Variants in FASN observed in about 807,000 individuals in gnomAD.
FASN encodes the protein 3-hydroxyacyl-[acyl-carrier-protein] dehydratase.
FASN carries 50 observed loss-of-function variants against 250.0 expected under a neutral mutation model. That is an observed-to-expected ratio of 0.20 (90% CI 0.16 to 0.25). The LOEUF (loss-of-function observed/expected upper bound fraction) is 0.25. Ranked by LOEUF, FASN falls within the 10% of genes least tolerant of loss-of-function variation. The probability of loss-of-function intolerance (pLI) is 1.00; values close to 1 mark genes in which losing one functional copy is unlikely to be tolerated. For missense variants in FASN, 3,031 were observed against 3,498.5 expected (o/e 0.87, Z 3.37); for synonymous variants, 1,909 against 1,584.0 (o/e 1.21, Z -4.87).
Position 82,096,461 on chromosome 17 carries a change from C to T in FASN, c.-7-9G>A, listed in dbSNP as rs746221080. ...CCTCCTCCATGGCTGCTCTGCAGGG[C>T]GGGCGGTGTGAGTGCCCCACACATC... On this transcript the variant is annotated splice_polypyrimidine_tract_variant and intron_variant, in intron 1 of 42. Coordinates refer to ENST00000306749, the MANE Select transcript of FASN (RefSeq NM_004104.5). The T allele has an allele frequency of 3.0e-5, 48 of 1,610,020 alleles. No homozygotes were observed. The highest frequency in any genetic ancestry group is 5.3e-5 in the African/African-American group (4 of 74,942).
At chr17:82,095,861 C>T (rs544781914) in intron 2 of FASN, among the ~76,000 whole-genome samples, 3 of 152,348 alleles carry the variant, frequency 2.0e-5, no homozygotes, top group African/African-American at 7.2e-5. Flanking sequence ...GCTCCAGCCT[C>T]CCGGAGCACA....
rs758791291 is a variant in FASN at position 82,087,082 on chromosome 17, G to A, written c.3395C>T (p.Ala1132Val). 8.7e-6 allele frequency: 14 copies of A among 1,611,478 alleles called. No individual in the cohort carries two copies. The highest frequency in any genetic ancestry group is 2.5e-6 in the Non-Finnish European group (3 of 1,179,930). Residue 1132 changes from alanine to valine, a missense_variant, in exon 21 of 43, where the codon GCT becomes GTT. Ala to Val is a moderately conservative substitution (Grantham distance 64). Transcript: ENST00000306749. ...HTEEGCLSER[A>V]ALQEELQLCK... Reference sequence around the variant, plus strand: ...CAGTTGCAGCTCCTCCTGCAGGGCAGCGCGCTCAGACAGGCACCCCTCCTC... The same window carrying A: ...CAGTTGCAGCTCCTCCTGCAGGGCAACGCGCTCAGACAGGCACCCCTCCTC...
At position 82,088,780 on chromosome 17, in the gene FASN, C is replaced by T. The variant is rs1327422020; in HGVS notation, c.2401G>A (p.Gly801Ser). The part of the protein sequence containing the change: ...DNLEFFLAGI[G>S]RLHLSGIDAN... Reference sequence around the variant, plus strand: ...ACCCACCCTGAGAGGTGCAGCCTGCCGATGCCGGCCAGGAAGAACTCCAGG... The same window carrying T: ...ACCCACCCTGAGAGGTGCAGCCTGCTGATGCCGGCCAGGAAGAACTCCAGG... Residue 801 changes from glycine (G) to serine (S), a missense_variant, in exon 15 of 43, where the codon GGC (glycine) becomes AGC (serine). Coordinates refer to ENST00000306749, the MANE Select transcript of FASN (RefSeq NM_004104.5). The T allele has an allele frequency of 7.4e-6, 12 of 1,612,250 alleles. No homozygotes were observed. In the South Asian group the frequency reaches 9.9e-5, roughly 13 times the overall value.
At chr17:82,093,890 G>A (rs916913585) in intron 3 of FASN, 119 bp from the exon 4 acceptor site, 4 of 1,108,210 alleles carry the variant, frequency 3.6e-6, no homozygotes, top group African/African-American at 3.1e-5. Context: ...GGTGAGGGGG[G>A]GTCCATCCCA....
chr17:82,081,336 A>G lies in FASN; in HGVS notation c.6423T>C (p.Ala2141=). The G allele has an allele frequency of 6.4e-7, 1 of 1,558,880 alleles. No individual in the cohort carries two copies. Among genetic ancestry groups the G allele is most frequent in the Non-Finnish European group, 8.7e-7 (1 of 1,152,014 alleles). ...CCAGTGAGCTGTCCAGGTTGACAGC[A>G]GCCAAGTCGCGGATGCCTGGAAGGG... ...VAHILGIRDL[A]AVNLDSSLAD... The change falls in exon 38 of 43, where the codon GCT becomes GCC. Residue 2141 remains alanine, a synonymous_variant. Transcript: ENST00000306749.
chr17:82,079,581 C>T lies in FASN; in HGVS notation c.7174G>A (p.Gly2392Ser). The stretch of plus-strand genomic sequence containing the variant: ...GCGGCTGCCACACGCTCCTCTAGGC[C>T]CTTCAGCGGCAGCAGCGCCTCCAGC... Reference protein sequence around the residue: ...RVLEALLPLKGLEERVAAAVD... With the variant: ...RVLEALLPLKSLEERVAAAVD... Residue 2392 changes from glycine (G) to serine (S), a missense_variant, in exon 42 of 43, where the codon GGC becomes AGC. Gly to Ser is a moderately conservative substitution (Grantham distance 56). Transcript: ENST00000306749. 3 of 1,602,984 alleles carry T rather than the reference C, an allele frequency of 1.9e-6. No individual in the cohort carries two copies. Among genetic ancestry groups the T allele is most frequent in the Non-Finnish European group, 2.5e-6 (3 of 1,179,846 alleles).
At position 82,092,974 on chromosome 17, in the gene FASN, G is replaced by A. The variant is rs780702523; in HGVS notation, c.701C>T (p.Thr234Ile). The change falls in exon 6 of 43, where the codon ACC becomes ATC. Residue 234 changes from threonine to isoleucine, a missense_variant. By Grantham distance (89) the Thr-to-Ile change is moderately conservative. Transcript: ENST00000306749. The stretch of plus-strand genomic sequence containing the variant: ...CACCCGCCGGGCCAGGGACTTCTTG[G>A]TCAGCAGGACGGCCACCACACCCTC... ...RSEGVVAVLL[T>I]KKSLARRVYA... The A allele has an allele frequency of 3.7e-6, 6 of 1,612,048 alleles. No homozygotes were observed. In the East Asian group the frequency reaches 6.7e-5, roughly 18 times the overall value.
Position 82,085,891 on chromosome 17 carries a change from G to A in FASN, c.3733-20C>T, listed in dbSNP as rs763158509. 9.2e-6 allele frequency: 14 copies of A among 1,519,138 alleles called. No homozygotes were observed. Among genetic ancestry groups the A allele is most frequent in the Non-Finnish European group, 1.1e-5 (12 of 1,136,558 alleles). 94.1% of individuals were successfully genotyped at this position (1,519,138 alleles called of 1,614,324 possible). A position where few individuals can be genotyped will look rare whatever the true frequency, so the allele number is the denominator to read the frequency against. ...CAGCACCTGTAGGGGGTGAATTCTGGAATCAGCCCCACACCAGGCAGGTGC... is the reference window on the plus strand; with the variant it reads ...CAGCACCTGTAGGGGGTGAATTCTGAAATCAGCCCCACACCAGGCAGGTGC... On this transcript the variant is annotated intron_variant, in intron 22 of 42. Transcript: ENST00000306749.
rs537365654 is a variant in FASN at position 82,090,993 on chromosome 17, G to A, written c.1569C>T (p.Ser523=). 58 of 1,612,870 alleles carry A rather than the reference G, an allele frequency of 3.6e-5. No individual in the cohort carries two copies. The highest frequency in any genetic ancestry group is 3.3e-4 in the Middle Eastern group (2 of 6,062). ...GGCCGAATGGCTTCACAGCCTCATC[G>A]GAGCGTAGGATGGAATCTCGGAAGC... ...LDRFRDSILR[S]DEAVKPFGLK... The change falls in exon 10 of 43, where the codon TCC becomes TCT. Residue 523 remains serine, a synonymous_variant. Transcript: ENST00000306749.
At chr17:82,088,624 G>A in intron 15 of FASN, 62 bp from the exon 16 acceptor site, 12 of 1,561,804 alleles carry the variant, frequency 7.7e-6, no homozygotes, top group East Asian at 2.3e-5. Context: ...TCTGGGTTCA[G>A]CCCACCCACT....
At position 82,091,208 on chromosome 17, in the gene FASN, G is replaced by A. The variant is rs984312449; in HGVS notation, c.1492+14C>T. The A allele has an allele frequency of 6.2e-7, 1 of 1,601,336 alleles. No homozygotes were observed. The highest frequency in any genetic ancestry group is 8.5e-7 in the Non-Finnish European group (1 of 1,177,008). On this transcript the variant is annotated intron_variant, in intron 9 of 42. Coordinates refer to ENST00000306749, the MANE Select transcript of FASN (RefSeq NM_004104.5). ...CAGGGAAGGGACCACCTTGGGGGCA[G>A]AGTGTGGGCTCACCAGAGCAGATGA...
rs555372336 is a variant in FASN, at chr17:82,087,168, C to T, written c.3309G>A (p.Pro1103=). The T allele has an allele frequency of 4.7e-4, 755 of 1,609,438 alleles. No individual in the cohort carries two copies. Among genetic ancestry groups the T allele is most frequent in the Non-Finnish European group, 6.1e-4 (722 of 1,178,944 alleles). ...HISGLHTESA[P]RRQQEQQVPI... ...GCACCTGCTGCTCCTGCTGCCGCCG[C>T]GGGGCCGACTCAGTGTGGAGCCCGG... is the stretch of plus-strand genomic sequence containing the variant. The change falls in exon 21 of 43, where the codon CCG becomes CCA. Residue 1103 remains proline, a synonymous_variant. Coordinates refer to ENST00000306749, the MANE Select transcript of FASN (RefSeq NM_004104.5).
At position 82,087,116 on chromosome 17, in the gene FASN, G is replaced by A. The variant is rs139131741; in HGVS notation, c.3361C>T (p.Pro1121Ser). ...GACAGGCACCCCTCCTCCGTGTGGG[G>A]AGTGAAGCAAAACTTCTCCAGGATG... ...VPILEKFCFT[P>S]HTEEGCLSER... The change falls in exon 21 of 43, where the codon CCC (proline) becomes TCC (serine). Residue 1121 changes from proline (P) to serine (S), a missense_variant. Coordinates refer to ENST00000306749, the MANE Select transcript of FASN (RefSeq NM_004104.5). 8.2e-5 allele frequency: 132 copies of A among 1,612,024 alleles called. No homozygotes were observed. The highest frequency in any genetic ancestry group is 5.2e-4 in the Admixed American group (31 of 59,972).
At chr17:82,081,546 G>A (rs927986537) in intron 37 of FASN, 55 bp downstream of exon 37, 21 of 1,606,394 alleles carry the variant, frequency 1.3e-5, no homozygotes, top group Non-Finnish European at 8.5e-7. Context: ...TATGTCCCAA[G>A]ACCCTGATGC....
In FASN at chr17:82,080,903, G is replaced by C. The variant is rs1403073551; in HGVS notation, c.6615C>G (p.Pro2205=). ...GCTGCTGGGCCAGACCATCCTCCTT[G>C]GGCGTGGGGCATGCCAGCTCTGTGA... ...DEASELACPT[P]KEDGLAQQQT... Residue 2205 remains proline, a synonymous_variant, in exon 39 of 43, where the codon CCC becomes CCG. Transcript: ENST00000306749. The C allele has an allele frequency of 6.2e-7, 1 of 1,609,680 alleles. No individual in the cohort carries two copies. The highest frequency in any genetic ancestry group is 1.7e-5 in the Admixed American group (1 of 59,584).
chr17:82,096,810 C>G, intron 1 of FASN: 1 of 360,780 alleles, frequency 2.8e-6, no homozygotes, highest in South Asian at 2.3e-5. Context: ...TTCCAAGGCT[C>G]CTGGAGCTTG....
chr17:82,089,776 C>T (rs1404852234), intron 11 of FASN, 50 bp from the exon 12 acceptor site: 4 of 1,481,076 alleles, frequency 2.7e-6, no homozygotes, highest in African/African-American at 1.4e-5. Context: ...GAGCCGCTCC[C>T]AGCCACCCAC....
intron 21 of FASN, 124 bp from the exon 22 acceptor site, chr17:82,086,682 A>G: frequency 1.3e-6 from 1 of 787,706 alleles, no homozygotes; most frequent in Non-Finnish European, 2.1e-6. Context: ...GATGAGAAAT[A>G]GCTGAGGGTT....
intron 9 of FASN, 57 bp downstream of exon 9, chr17:82,091,165 A>G: frequency 6.3e-7 from 1 of 1,599,134 alleles, no homozygotes. Flanking sequence ...CACCAGCTCC[A>G]GTTCGCCTGC....
Sources: gnomAD v4.1 joint callset for allele counts (sites outside exome capture counted in the v4.1 genomes callset) on GRCh38, gnomAD v4.1.1 for gene constraint, MANE v1.5 for transcripts, NCBI Gene and HGNC (gene_info 2026-07-23, HGNC 2026-07-21) for gene names.